The following SCFD2 variants were observed in gnomAD, a reference collection of about 807,000 sequenced individuals.
SCFD2 encodes sec1 family domain containing 2.
SCFD2 carries 54 observed loss-of-function variants against 58.9 expected under a neutral mutation model. That is an observed-to-expected ratio of 0.92 (90% CI 0.74 to 1.15). The LOEUF (loss-of-function observed/expected upper bound fraction) is 1.15, where lower values mean the gene tolerates loss of function less well. Among genes scored for constraint, SCFD2 ranks in the 50% most tolerant of loss-of-function variants. SCFD2 has a pLI of 0.00. For synonymous variants in SCFD2, 321 were observed against 335.9 expected, an observed-to-expected ratio of 0.96 and a Z score of 0.49; for missense variants, 805 against 836.6, an observed-to-expected ratio of 0.96 and a Z score of 0.47.
At position 52,917,896 on chromosome 4, in the gene SCFD2, AG is replaced by A. The variant is rs548427222; in HGVS notation, c.1707+2828del. Among the ~76,000 whole-genome samples the A allele has an allele frequency of 6.1e-4, 93 of 152,352 alleles. 1 individual carries two copies. The highest frequency in any genetic ancestry group is 9.8e-4 in the Non-Finnish European group (67 of 68,034). ...AAAGATTAAAATAAGAGGTGCCTCT[AG>A]TCCTAGCAAGGGAAGCAGGAGTGGC... On this transcript the variant is annotated intron_variant, in intron 6 of 8. Transcript: ENST00000401642.
At chr4:53,293,239 T>C (rs926452699) in intron 3 of SCFD2, among the ~76,000 whole-genome samples, 1 of 151,790 alleles carries the variant, frequency 6.6e-6, no homozygotes, top group Non-Finnish European at 1.5e-5. Context: ...CACTTATAAG[T>C]GGGAGCAGAA....
At chr4:52,882,936 T>C (rs1238664778) in intron 8 of SCFD2, among the ~76,000 whole-genome samples, 3 of 152,166 alleles carry the variant, frequency 2.0e-5, no homozygotes, top group African/African-American at 4.8e-5. Context: ...AAAGGCTGGA[T>C]AGTAAAGCCA....
At chr4:53,180,534 C>T (rs538390560) in intron 4 of SCFD2, among the ~76,000 whole-genome samples, 2 of 151,650 alleles carry the variant, frequency 1.3e-5, no homozygotes, top group South Asian at 2.1e-4. Flanking sequence ...CACTAAATGC[C>T]CACAAGAGAA....
chr4:53,266,875 T>C (rs1414778174), intron 4 of SCFD2, among the ~76,000 whole-genome samples: 1 of 152,210 alleles, frequency 6.6e-6, no homozygotes, highest in Admixed American at 6.5e-5. Flanking sequence ...TAACAAATAT[T>C]AGATTTTCCC....
intron 2 of SCFD2, among the ~76,000 whole-genome samples, chr4:53,340,937 A>G (rs989211383): frequency 1.6e-4 from 24 of 152,212 alleles, no homozygotes; most frequent in African/African-American, 4.8e-4. Context: ...CAGAAAGGAC[A>G]TCCACACCAA....
intron 6 of SCFD2, among the ~76,000 whole-genome samples, chr4:52,912,574 A>G (rs1003741353): frequency 6.6e-6 from 1 of 152,230 alleles, no homozygotes; most frequent in Non-Finnish European, 1.5e-5. Context: ...CAACTGGATT[A>G]CATTGTGTAT....
intron 4 of SCFD2, among the ~76,000 whole-genome samples, chr4:53,158,345 C>A (rs1390323783): frequency 1.3e-5 from 2 of 152,320 alleles, no homozygotes; most frequent in South Asian, 4.1e-4. Context: ...CCAGCCAAAA[C>A]TACCTATTGG....
intron 6 of SCFD2, among the ~76,000 whole-genome samples, chr4:52,908,096 T>C (rs947181177): frequency 2.0e-5 from 3 of 152,158 alleles, no homozygotes; most frequent in African/African-American, 7.2e-5. Flanking sequence ...TTCCCAAGTA[T>C]GACTTGGCCA....
chr4:52,992,935 C>T (rs549293322), intron 5 of SCFD2, among the ~76,000 whole-genome samples: 18 of 152,032 alleles, frequency 1.2e-4, no homozygotes, highest in African/African-American at 4.1e-4. Context: ...ATGACGATGG[C>T]GGTTTTGTCG....
intron 4 of SCFD2, among the ~76,000 whole-genome samples, chr4:53,180,065 C>A (rs1040854101): frequency 6.6e-6 from 1 of 152,152 alleles, no homozygotes; most frequent in African/African-American, 2.4e-5. Context: ...GACTTTAACA[C>A]CCCACTGTCA....
chr4:52,996,397 G>A (rs1298068697), intron 5 of SCFD2, among the ~76,000 whole-genome samples: 6 of 152,196 alleles, frequency 3.9e-5, no homozygotes, highest in African/African-American at 1.2e-4. Flanking sequence ...TCCTGTGCAG[G>A]GCACATTGGA....
intron 5 of SCFD2, chr4:52,955,875 C>T (rs1259347708): frequency 8.5e-6 from 3 of 352,286 alleles, no homozygotes; most frequent in African/African-American, 2.1e-5. Context: ...CCCAAGTTAG[C>T]ATGCTCTAAT....
intron 3 of SCFD2, among the ~76,000 whole-genome samples, chr4:53,290,223 A>G (rs567306712): frequency 2.6e-5 from 4 of 152,272 alleles, no homozygotes; most frequent in African/African-American, 9.6e-5. Context: ...ATGTGAGGCC[A>G]CAGTATAGGT....
At chr4:53,192,359 T>C (rs1727939601) in intron 4 of SCFD2, among the ~76,000 whole-genome samples, 1 of 152,216 alleles carries the variant, frequency 6.6e-6, no homozygotes, top group Non-Finnish European at 1.5e-5. Flanking sequence ...ATTCTGTTGT[T>C]TGATTCATTA....
At position 52,997,779 on chromosome 4, in the gene SCFD2, A is replaced by G. The variant is rs115124168; in HGVS notation, c.1562-76909T>C. Among the ~76,000 whole-genome samples the G allele has an allele frequency of 7.6e-3, 1,162 of 152,242 alleles. 15 individuals are homozygous for G. The highest frequency in any genetic ancestry group is 0.026 in the African/African-American group (1,083 of 41,524). ...AAGGAATTAGGGCCAAACCCCAACT[A>G]TTTGATGAGGAGTCTGTCTTTGCCC... On this transcript the variant is annotated intron_variant, in intron 5 of 8. Transcript: ENST00000401642.
chr4:53,292,135 A>C (rs1731861500), intron 3 of SCFD2, among the ~76,000 whole-genome samples: 1 of 152,164 alleles, frequency 6.6e-6, no homozygotes. Flanking sequence ...GCACATAGGC[A>C]TGGGCAAAGA....
intron 4 of SCFD2, among the ~76,000 whole-genome samples, chr4:53,188,785 T>C (rs1164364923): frequency 6.6e-6 from 1 of 152,144 alleles, no homozygotes; most frequent in African/African-American, 2.4e-5. Context: ...CACAAAATGC[T>C]AGAAAAAAGG....
chr4:53,278,404 T>C (rs1201660819), intron 3 of SCFD2, among the ~76,000 whole-genome samples: 2 of 149,398 alleles, frequency 1.3e-5, no homozygotes, highest in Non-Finnish European at 3.0e-5. Context: ...TAGCTGGGCA[T>C]GGTAGTGCTC....
chr4:53,343,799 A>G (rs1733966646), intron 2 of SCFD2, among the ~76,000 whole-genome samples: 1 of 152,242 alleles, frequency 6.6e-6, no homozygotes, highest in Non-Finnish European at 1.5e-5. Context: ...CTGGTTCAAC[A>G]TATGCAAATC....
Sources: allele counts gnomAD v4.1 joint callset (sites outside exome capture counted in the v4.1 genomes callset), GRCh38; gene constraint gnomAD v4.1.1; transcripts MANE v1.5; gene names NCBI Gene and HGNC (gene_info 2026-07-23, HGNC 2026-07-21).